Variants in NRXN3 observed in about 807,000 individuals in gnomAD.
The protein encoded by NRXN3 is neurexin III.
In NRXN3, 32 loss-of-function variants were observed where a neutral mutation model predicts 137.6. The ratio of observed to expected loss-of-function variants is 0.23; its 90% CI spans 0.18 to 0.31. NRXN3 has a LOEUF of 0.31. NRXN3 is among the 10% of genes least tolerant of loss of function. The probability of loss-of-function intolerance (pLI) is 1.00; values close to 1 mark genes in which losing one functional copy is unlikely to be tolerated. For synonymous variants in NRXN3, 798 were observed against 784.5 expected, an observed-to-expected ratio of 1.02 and a Z score of -0.29; for missense variants, 1,574 against 2,062.5, an observed-to-expected ratio of 0.76 and a Z score of 4.59.
chr14:78,559,713 A>G (rs979653790), intron 4 of NRXN3, among the ~76,000 whole-genome samples: 25 of 152,360 alleles, frequency 1.6e-4, no homozygotes, highest in African/African-American at 5.8e-4. Context: ...ATTGTATTTC[A>G]TAAGTAAAGT....
chr14:78,464,656 C>G (rs1307749933), intron 4 of NRXN3, among the ~76,000 whole-genome samples: 1 of 152,122 alleles, frequency 6.6e-6, no homozygotes, highest in Non-Finnish European at 1.5e-5. Context: ...TAAAAATATT[C>G]AAATATTTAC....
chr14:78,490,466 G>C (rs78681729), intron 4 of NRXN3, among the ~76,000 whole-genome samples: 1,951 of 152,254 alleles, frequency 0.013, 33 homozygotes, highest in African/African-American at 0.044. Context: ...TGGTTTTGCT[G>C]TACCCATGTA....
chr14:79,620,661 A>G (rs1241757340), intron 16 of NRXN3, among the ~76,000 whole-genome samples: 1 of 152,154 alleles, frequency 6.6e-6, no homozygotes, highest in East Asian at 1.9e-4. Context: ...ATTTATTTAG[A>G]GGCAACTGGC....
At chr14:78,444,093 G>T (rs2094341652) in intron 4 of NRXN3, among the ~76,000 whole-genome samples, 1 of 152,170 alleles carries the variant, frequency 6.6e-6, no homozygotes, top group Admixed American at 6.5e-5. Context: ...TCAGAGTTAG[G>T]GCTTAAATAG....
At chr14:78,723,607 C>A (rs1380378258) in intron 8 of NRXN3, among the ~76,000 whole-genome samples, 1 of 152,144 alleles carries the variant, frequency 6.6e-6, no homozygotes, top group Non-Finnish European at 1.5e-5. Context: ...TCTCTCTGTG[C>A]CTCCGTTTCA....
At chr14:78,472,451 C>T (rs1250151271) in intron 4 of NRXN3, among the ~76,000 whole-genome samples, 1 of 152,158 alleles carries the variant, frequency 6.6e-6, no homozygotes, top group Admixed American at 6.5e-5. Flanking sequence ...CCATTTTGTT[C>T]TTATGTGGAA....
intron 16 of NRXN3, among the ~76,000 whole-genome samples, chr14:79,622,298 G>A (rs1200250966): frequency 6.6e-6 from 1 of 152,142 alleles, no homozygotes; most frequent in Non-Finnish European, 1.5e-5. Context: ...GGAAAAAGCT[G>A]CCAGACTCAG....
intron 15 of NRXN3, among the ~76,000 whole-genome samples, chr14:79,124,911 T>C (rs1050131007): frequency 6.6e-6 from 1 of 152,190 alleles, no homozygotes. Context: ...TACATTCTCA[T>C]AGGAATATCT....
rs370862037 is a variant in NRXN3, at chr14:78,630,597, C to CTTTTTTTTTTT, written c.758-14517_758-14507dup. On this transcript the variant is annotated intron_variant, in intron 4 of 20. Transcript: ENST00000335750. ...TCTTCTTATTTTTCTTTCTTTCTTT[C>CTTTTTTTTTTT]TTTTTTTTTTTTTTTTGTTGTTTTT... Among the ~76,000 whole-genome samples the CTTTTTTTTTTT allele has an allele frequency of 1.3e-4, 16 of 127,828 alleles. No individual in the cohort carries two copies. In the East Asian group the frequency reaches 1.5e-3, roughly 12 times the overall value. The allele number at this position is 127,828 out of a possible 152,430, so 83.9% of individuals were successfully genotyped here.
chr14:79,532,395 T>C (rs1320808041), intron 16 of NRXN3, among the ~76,000 whole-genome samples: 1 of 152,176 alleles, frequency 6.6e-6, no homozygotes, highest in Non-Finnish European at 1.5e-5. Context: ...TGAGAAATAC[T>C]AAAGTTTTCT....
chr14:78,652,796 C>G (rs1375535560), intron 6 of NRXN3, among the ~76,000 whole-genome samples: 1 of 152,202 alleles, frequency 6.6e-6, no homozygotes. Context: ...TCATTGAGTA[C>G]CTTTTTTGTG....
intron 10 of NRXN3, among the ~76,000 whole-genome samples, chr14:78,897,812 G>T (rs1053254152): frequency 6.6e-6 from 1 of 151,912 alleles, no homozygotes; most frequent in African/African-American, 2.4e-5. Flanking sequence ...TATTTCACAT[G>T]TATAAATTCC....
At chr14:78,933,961 C>T (rs928154859) in intron 10 of NRXN3, among the ~76,000 whole-genome samples, 1 of 151,658 alleles carries the variant, frequency 6.6e-6, no homozygotes, top group Non-Finnish European at 1.5e-5. Context: ...ACCCACCCAT[C>T]TTCAGCTGTT....
At chr14:78,761,597 T>C (rs538387582) in intron 8 of NRXN3, among the ~76,000 whole-genome samples, 1 of 152,324 alleles carries the variant, frequency 6.6e-6, no homozygotes, top group East Asian at 1.9e-4. Flanking sequence ...TTTACTTGAT[T>C]GTATTTTCCC....
At chr14:79,611,024 T>TGA (rs2098091903) in intron 16 of NRXN3, among the ~76,000 whole-genome samples, 1 of 152,138 alleles carries the variant, frequency 6.6e-6, no homozygotes, top group Non-Finnish European at 1.5e-5. Context: ...GTTTGTTGGA[T>TGA]TGCTGCTGCT....
chr14:79,433,725 A>G (rs1273861491), intron 15 of NRXN3, among the ~76,000 whole-genome samples: 1 of 152,216 alleles, frequency 6.6e-6, no homozygotes, highest in African/African-American at 2.4e-5. Context: ...CATTTCATAG[A>G]TGATAACACT....
chr14:79,358,613 GAAAGAAAGAA>G (rs1566902446), intron 15 of NRXN3, among the ~76,000 whole-genome samples: 1,454 of 129,028 alleles, frequency 0.011, 23 homozygotes, highest in Admixed American at 0.037. Flanking sequence ...GAAAGAGAAA[GAAAGAAAGAA>G]AGAAAGAAAG....
intron 10 of NRXN3, among the ~76,000 whole-genome samples, chr14:78,898,282 A>C (rs1454564115): frequency 6.6e-6 from 1 of 151,958 alleles, no homozygotes; most frequent in African/African-American, 2.4e-5. Context: ...TAACTGAGAG[A>C]ATTCATTGGG....
At chr14:79,120,067 C>T (rs1442620122) in intron 15 of NRXN3, among the ~76,000 whole-genome samples, 2 of 152,054 alleles carry the variant, frequency 1.3e-5, no homozygotes, top group Non-Finnish European at 2.9e-5. Flanking sequence ...TTTTAATCAA[C>T]AGTAAAAATG....
Sources: gnomAD v4.1 joint callset for allele counts (sites outside exome capture counted in the v4.1 genomes callset) on GRCh38, gnomAD v4.1.1 for gene constraint, MANE v1.5 for transcripts, NCBI Gene and HGNC (gene_info 2026-07-23, HGNC 2026-07-21) for gene names.